Variants in SLC24A3 observed in about 807,000 individuals in gnomAD.
The protein encoded by SLC24A3 is sodium/potassium/calcium exchanger 3.
SLC24A3 carries 28 observed loss-of-function variants against 75.8 expected under a neutral mutation model. The observed-to-expected ratio is 0.37, with a 90% CI of 0.27 to 0.51. SLC24A3 has a LOEUF of 0.51. SLC24A3 is among the 20% of genes least tolerant of loss of function. The pLI, the probability that SLC24A3 is intolerant of heterozygous loss-of-function variation, is 0.94. For missense variants in SLC24A3, 663 were observed against 847.8 expected (o/e 0.78, Z 2.71); for synonymous variants, 372 against 334.1 (o/e 1.11, Z -1.24).
At chr20:19,439,200 C>G (rs1369102023) in intron 2 of SLC24A3, among the ~76,000 whole-genome samples, 2 of 152,332 alleles carry the variant, frequency 1.3e-5, no homozygotes, top group South Asian at 4.1e-4. Context: ...TGTTGGTGAC[C>G]CCAGACCCAC....
chr20:19,471,654 G>A (rs1377383211), intron 2 of SLC24A3, among the ~76,000 whole-genome samples: 1 of 116,624 alleles, frequency 8.6e-6, no homozygotes, highest in African/African-American at 2.6e-5. Context: ...TCAGAAGCTG[G>A]TTCAGGATGG....
At chr20:19,371,368 G>A (rs1430799734) in intron 2 of SLC24A3, among the ~76,000 whole-genome samples, 2 of 95,070 alleles carry the variant, frequency 2.1e-5, no homozygotes, top group Non-Finnish European at 3.7e-5. Flanking sequence ...GGGGATCACC[G>A]AGCAGTCTGC....
chr20:19,325,343 G>A (rs1984813947), intron 2 of SLC24A3, among the ~76,000 whole-genome samples: 1 of 151,888 alleles, frequency 6.6e-6, no homozygotes, highest in Non-Finnish European at 1.5e-5. Context: ...CTACTGGTGG[G>A]GCTGAGGCAG....
At chr20:19,530,107 T>C (rs1289993194) in intron 3 of SLC24A3, among the ~76,000 whole-genome samples, 3 of 152,198 alleles carry the variant, frequency 2.0e-5, no homozygotes, top group African/African-American at 7.2e-5. Flanking sequence ...AAAAGAGTGT[T>C]GGAAAGGAAG....
chr20:19,582,264 T>A (rs892734882), intron 4 of SLC24A3, among the ~76,000 whole-genome samples: 22 of 152,244 alleles, frequency 1.4e-4, no homozygotes, highest in Admixed American at 1.3e-3. Context: ...TGCCTGTGCT[T>A]TCCTTAATCA....
intron 2 of SLC24A3, among the ~76,000 whole-genome samples, chr20:19,468,719 G>T (rs758547075): frequency 2.0e-5 from 3 of 152,186 alleles, no homozygotes; most frequent in African/African-American, 7.2e-5. Flanking sequence ...GCTCAGGCTT[G>T]TTGTCTTCTC....
At chr20:19,340,002 T>C (rs1985231206) in intron 2 of SLC24A3, among the ~76,000 whole-genome samples, 1 of 152,154 alleles carries the variant, frequency 6.6e-6, no homozygotes, top group South Asian at 2.1e-4. Flanking sequence ...TCTCTGGGAC[T>C]TGGGGCATGT....
At chr20:19,472,960 C>G (rs1472576909) in intron 2 of SLC24A3, among the ~76,000 whole-genome samples, 1 of 152,210 alleles carries the variant, frequency 6.6e-6, no homozygotes, top group Non-Finnish European at 1.5e-5. Flanking sequence ...GGGTGTTTAG[C>G]CCATTGAACA....
chr20:19,686,009 C>G (rs188921982), intron 12 of SLC24A3, among the ~76,000 whole-genome samples: 1 of 152,122 alleles, frequency 6.6e-6, no homozygotes, highest in Non-Finnish European at 1.5e-5. Flanking sequence ...ATGTAAGTTT[C>G]GCAAGTTTTA....
At chr20:19,317,258 G>A (rs976020345) in intron 2 of SLC24A3, among the ~76,000 whole-genome samples, 1 of 152,174 alleles carries the variant, frequency 6.6e-6, no homozygotes, top group Non-Finnish European at 1.5e-5. Context: ...ACATAGGCAT[G>A]GGCAAAGATT....
intron 2 of SLC24A3, among the ~76,000 whole-genome samples, chr20:19,299,198 ATGTG>A (rs57048749): frequency 1.0e-4 from 15 of 145,030 alleles, no homozygotes; most frequent in South Asian, 2.2e-4. Context: ...GTGTGTGTGT[ATGTG>A]TGTGTGTGTG....
intron 7 of SLC24A3, among the ~76,000 whole-genome samples, chr20:19,655,013 C>T (rs1199300611): frequency 6.6e-6 from 1 of 152,138 alleles, no homozygotes; most frequent in Non-Finnish European, 1.5e-5. Flanking sequence ...TCGTTCCTAT[C>T]GTAGCCACAG....
intron 6 of SLC24A3, among the ~76,000 whole-genome samples, chr20:19,601,461 C>T (rs1318505503): frequency 6.6e-6 from 1 of 152,220 alleles, no homozygotes; most frequent in Non-Finnish European, 1.5e-5. Flanking sequence ...CACCCACAAC[C>T]TATGTATCTG....
At chr20:19,677,526 C>A (rs930127012) in intron 9 of SLC24A3, among the ~76,000 whole-genome samples, 1 of 152,016 alleles carries the variant, frequency 6.6e-6, no homozygotes, top group African/African-American at 2.4e-5. Context: ...CCCCCAGCAA[C>A]CATCAACCCA....
chr20:19,660,469 C>T (rs563834856), intron 7 of SLC24A3, among the ~76,000 whole-genome samples: 25 of 152,220 alleles, frequency 1.6e-4, no homozygotes, highest in Admixed American at 5.9e-4. Flanking sequence ...GATATTGTTT[C>T]GTTTCTTTTC....
chr20:19,652,024 G>A (rs1451835511), intron 6 of SLC24A3, among the ~76,000 whole-genome samples: 1 of 138,814 alleles, frequency 7.2e-6, no homozygotes, highest in Non-Finnish European at 1.6e-5. Context: ...TAACTGGGCT[G>A]TATGAAGTAA....
intron 3 of SLC24A3, among the ~76,000 whole-genome samples, chr20:19,521,566 G>A (rs938322932): frequency 6.6e-6 from 1 of 152,176 alleles, no homozygotes; most frequent in African/African-American, 2.4e-5. Flanking sequence ...GTGGAAAGGG[G>A]TCCCTTCCTC....
In SLC24A3 at chr20:19,524,076, G is replaced by T. The variant is rs146111518; in HGVS notation, c.348+8512G>T. ...TGGGCTAACAGAAACACATGTTCTA[G>T]CCTGCCCCCGAAAGTACCCCCAAAG... is the stretch of plus-strand genomic sequence containing the variant. On this transcript the variant is annotated intron_variant, in intron 3 of 16. Coordinates refer to ENST00000328041, the MANE Select transcript of SLC24A3 (RefSeq NM_020689.4). 6.0e-3 allele frequency among the ~76,000 whole-genome samples: 907 copies of T among 152,198 alleles called. 6 individuals are homozygous for T. The highest frequency in any genetic ancestry group is 0.027 in the Middle Eastern group (8 of 294).
At chr20:19,577,883 T>C (rs983430382) in intron 3 of SLC24A3, among the ~76,000 whole-genome samples, 2 of 152,244 alleles carry the variant, frequency 1.3e-5, no homozygotes, top group African/African-American at 2.4e-5. Flanking sequence ...TGATAACTTA[T>C]TGTAGTCAGC....
Sources: allele counts gnomAD v4.1 joint callset (sites outside exome capture counted in the v4.1 genomes callset), GRCh38; gene constraint gnomAD v4.1.1; transcripts MANE v1.5; gene names NCBI Gene and HGNC (gene_info 2026-07-23, HGNC 2026-07-21).